COL4A2: variants seen among roughly 807,000 people sequenced by gnomAD.
The protein encoded by COL4A2 is collagen alpha-2(IV) chain.
In COL4A2, 99 loss-of-function variants were observed where a neutral mutation model predicts 200.2. That is an observed-to-expected ratio of 0.49 (90% confidence interval 0.42 to 0.58). The LOEUF (loss-of-function observed/expected upper bound fraction) is 0.58. Among genes scored for constraint, COL4A2 ranks in the 20% least tolerant of loss-of-function variants. COL4A2 has a pLI of 0.00. For missense variants in COL4A2, 1,950 were observed against 2,314.1 expected, an observed-to-expected ratio of 0.84 and a Z score of 3.23; for synonymous variants, 897 against 900.6, an observed-to-expected ratio of 1.00 and a Z score of 0.07.
intron 47 of COL4A2, among the ~76,000 whole-genome samples, chr13:110,510,597 G>A (rs533159845): frequency 1.3e-5 from 2 of 149,756 alleles, no homozygotes; most frequent in Admixed American, 1.3e-4. Context: ...GTGCATAGGG[G>A]TGTGTACACA....
intron 4 of COL4A2, among the ~76,000 whole-genome samples, chr13:110,414,583 C>T (rs1007636983): frequency 2.0e-5 from 3 of 152,194 alleles, no homozygotes; most frequent in Non-Finnish European, 4.4e-5. Flanking sequence ...CGCTGCCGAC[C>T]CCCCCGATCT....
At chr13:110,362,182 G>T (rs1042428631) in intron 4 of COL4A2, among the ~76,000 whole-genome samples, 5 of 152,164 alleles carry the variant, frequency 3.3e-5, no homozygotes, top group African/African-American at 1.2e-4. Context: ...TTCTTCAGTT[G>T]TTTTGTGGAT....
chr13:110,506,780 A>G (rs960268458), intron 46 of COL4A2, among the ~76,000 whole-genome samples, 174 bp downstream of exon 46: 5 of 152,204 alleles, frequency 3.3e-5, no homozygotes, highest in African/African-American at 1.2e-4. Flanking sequence ...TTGAAGCAGA[A>G]GCCTTACAAA....
At chr13:110,381,625 C>A (rs1878496667) in intron 4 of COL4A2, among the ~76,000 whole-genome samples, 1 of 152,136 alleles carries the variant, frequency 6.6e-6, no homozygotes. Flanking sequence ...AGAAAAGGAG[C>A]CTCAGGTCAA....
At chr13:110,449,142 A>T (rs1322883257) in intron 18 of COL4A2, among the ~76,000 whole-genome samples, 1 of 152,274 alleles carries the variant, frequency 6.6e-6, no homozygotes, top group South Asian at 2.1e-4. Flanking sequence ...CATGATAAAA[A>T]GTCCTATTTT....
At position 110,472,709 on chromosome 13, in the gene COL4A2, G is replaced by A. The variant is rs184659303; in HGVS notation, c.2204-220G>A. Among the ~76,000 whole-genome samples the A allele has an allele frequency of 5.0e-3, 760 of 152,216 alleles. 1 individual carries two copies. Among genetic ancestry groups the A allele is most frequent in the African/African-American group, 0.017 (713 of 41,520 alleles). ...CCTTCACTCAGTTTTAGGGCTGGGG[G>A]GCCGAATGGCGGGGCAAGCAGAAGA... On this transcript the variant is annotated intron_variant, in intron 28 of 47. Coordinates refer to ENST00000360467, the MANE Select transcript of COL4A2 (RefSeq NM_001846.4).
intron 4 of COL4A2, among the ~76,000 whole-genome samples, chr13:110,364,313 C>T (rs1425329547): frequency 6.6e-6 from 1 of 152,170 alleles, no homozygotes; most frequent in Non-Finnish European, 1.5e-5. Context: ...CTGGCTCATC[C>T]AGCGCTGCAG....
At chr13:110,435,103 G>T (rs1880823109) in intron 12 of COL4A2, among the ~76,000 whole-genome samples, 1 of 152,168 alleles carries the variant, frequency 6.6e-6, no homozygotes, top group Admixed American at 6.5e-5. Flanking sequence ...TTTCCCTTCT[G>T]CTTTTTGATG....
intron 30 of COL4A2, 30 bp from the exon 31 acceptor site, chr13:110,480,189 AC>A (rs1202310763): frequency 6.4e-7 from 1 of 1,563,404 alleles, no homozygotes; most frequent in Non-Finnish European, 8.6e-7. Flanking sequence ...GTGTTTGTCC[AC>A]CCTGTTTGAT....
At chr13:110,368,860 G>C (rs906258392) in intron 4 of COL4A2, among the ~76,000 whole-genome samples, 2,140 of 129,506 alleles carry the variant, frequency 0.017, 45 homozygotes, top group African/African-American at 0.02. Flanking sequence ...GGGGGGGGGG[G>C]GTTGAGCTCA....
At chr13:110,431,093 A>G (rs1045462381) in intron 10 of COL4A2, among the ~76,000 whole-genome samples, 6 of 152,210 alleles carry the variant, frequency 3.9e-5, no homozygotes, top group African/African-American at 1.2e-4. Flanking sequence ...GAGCAGAAAA[A>G]GGCACTTGCT....
chr13:110,474,326 G>A (rs1356461232), intron 29 of COL4A2, among the ~76,000 whole-genome samples: 3 of 152,206 alleles, frequency 2.0e-5, no homozygotes, highest in Non-Finnish European at 2.9e-5. Flanking sequence ...ATGGAGGCTA[G>A]GCCTCCACTG....
chr13:110,327,115 C>T (rs1278282438), intron 3 of COL4A2, among the ~76,000 whole-genome samples: 2 of 152,154 alleles, frequency 1.3e-5, no homozygotes, highest in African/African-American at 2.4e-5. Flanking sequence ...GTCCCCAGCA[C>T]ACACACACCC....
rs757182846 is a variant in COL4A2 at position 110,506,589 on chromosome 13, C to T, written c.4577C>T (p.Ala1526Val). 2.1e-5 allele frequency: 34 copies of T among 1,611,622 alleles called. No homozygotes were observed. Among genetic ancestry groups the T allele is most frequent in the Middle Eastern group, 1.6e-4 (1 of 6,064 alleles). Residue 1526 changes from alanine (A) to valine (V), a missense_variant, in exon 46 of 48, where the codon GCG becomes GTG. Ala to Val is a moderately conservative substitution (Grantham distance 64). Around this residue, in one of 2 missense-constraint regions of COL4A2, gnomAD observed 1,385 missense variants for 1,720.5 expected, o/e 0.80. Coordinates refer to ENST00000360467, the MANE Select transcript of COL4A2 (RefSeq NM_001846.4). ...SLLYFEGQEKAHNQDLGLAGS... is the reference protein window; with the variant it reads ...SLLYFEGQEKVHNQDLGLAGS... ...CTGTACTTCGAGGGCCAGGAGAAGG[C>T]GCACAACCAGGACCTGGGTAGGTAC...
chr13:110,413,214 C>T (rs1879912815), intron 4 of COL4A2, among the ~76,000 whole-genome samples: 1 of 152,174 alleles, frequency 6.6e-6, no homozygotes, highest in Admixed American at 6.5e-5. Flanking sequence ...ACATGAATTT[C>T]GGAGCCAGGC....
Position 110,493,258 on chromosome 13 carries a change from A to T in COL4A2, c.3610A>T (p.Thr1204Ser), listed in dbSNP as rs762644328. 1.2e-6 allele frequency: 2 copies of T among 1,614,136 alleles called. No homozygotes were observed. The highest frequency in any genetic ancestry group is 1.3e-5 in the African/African-American group (1 of 75,048). ...CCGCGGCTTACACGGCTTGCCAGGC[A>T]CCAAGGGCTTTCCAGGATCCCCAGG... is the stretch of plus-strand genomic sequence containing the variant. ...GIRGLHGLPG[T>S]KGFPGSPGSD... The change falls in exon 39 of 48, where the codon ACC (threonine) becomes TCC (serine). Residue 1204 changes from threonine (T) to serine (S), a missense_variant. This residue lies in a region of COL4A2 where 1,385 missense variants were observed against 1,720.5 expected (regional missense o/e 0.80). Transcript: ENST00000360467.
chr13:110,499,148 T>C (rs1403775945), intron 40 of COL4A2, among the ~76,000 whole-genome samples: 1 of 152,270 alleles, frequency 6.6e-6, no homozygotes, highest in African/African-American at 2.4e-5. Flanking sequence ...AATATGGGAA[T>C]AATTTGAATC....
intron 4 of COL4A2, among the ~76,000 whole-genome samples, chr13:110,403,130 T>C (rs1216805645): frequency 1.3e-5 from 2 of 152,180 alleles, no homozygotes; most frequent in African/African-American, 4.8e-5. Context: ...GCATCTGGCT[T>C]CCCTCTACCA....
At chr13:110,425,514 TA>T (rs1380667067) in intron 6 of COL4A2, among the ~76,000 whole-genome samples, 1 of 152,086 alleles carries the variant, frequency 6.6e-6, no homozygotes, top group African/African-American at 2.4e-5. Context: ...TCTCGTGGCA[TA>T]AAAAAATAAA....
Sources: allele counts gnomAD v4.1 joint callset (sites outside exome capture counted in the v4.1 genomes callset), GRCh38; gene constraint gnomAD v4.1.1; regional missense constraint gnomAD v4.1.1; transcripts MANE v1.5; gene names NCBI Gene and HGNC (gene_info 2026-07-23, HGNC 2026-07-21).